The following ACCSL variants were observed in gnomAD, a reference collection of about 807,000 sequenced individuals.
ACCSL encodes 1-aminocyclopropane-1-carboxylate synthase homolog (inactive) like, also known as probable inactive 1-aminocyclopropane-1-carboxylate synthase-like protein 2.
ACCSL carries 55 observed loss-of-function variants against 61.7 expected under a neutral mutation model. The observed-to-expected ratio is 0.89, with a 90% confidence interval of 0.72 to 1.12. ACCSL has a LOEUF of 1.12. Among genes scored for constraint, ACCSL ranks in the 50% most tolerant of loss-of-function variants. ACCSL has a pLI of 0.00. For synonymous variants in ACCSL, 258 were observed against 264.3 expected (o/e 0.98, Z 0.23); for missense variants, 632 against 698.0 (o/e 0.91, Z 1.07).
At chr11:43,992,916 C>T in the ACCSL span, among the ~76,000 whole-genome samples, 1 of 152,198 alleles carries the variant, frequency 6.6e-6, no homozygotes, top group Non-Finnish European at 1.5e-5. Context: ...GAGCCTAGCT[C>T]TCTCCGTCGT....
chr11:44,001,685 G>A, the ACCSL span, among the ~76,000 whole-genome samples: 2,716 of 151,860 alleles, frequency 0.018, 74 homozygotes, highest in African/African-American at 0.062. Context: ...CTAAATGTGG[G>A]TGGACAGGAG....
At chr11:43,943,124 A>T in the ACCSL span, 1 of 1,502,128 alleles carries the variant, frequency 6.7e-7, no homozygotes. The surrounding 1 kb of genome is among the most constrained non-coding windows in gnomAD (Gnocchi z 4.8). Context: ...GGTGTCCCCC[A>T]TGGAGGAGGA....
In ACCSL at chr11:44,058,609, C is replaced by G; in HGVS notation, c.1534C>G (p.Leu512Val). The change falls in exon 13 of 14, where the codon CTA (leucine) becomes GTA (valine). Residue 512 changes from leucine to valine, a missense_variant. Physicochemically the swap from Leu to Val is conservative, Grantham distance 32. Coordinates refer to ENST00000378832, the MANE Select transcript of ACCSL (RefSeq NM_001031854.2). ...LLYCRFLDNK[L>V]LLSRGKTYMC... ...CTATTGCCGCTTCCTGGACAACAAG[C>G]TATTGTTATCCCGTGGCAAAACCTA... is the stretch of plus-strand genomic sequence containing the variant. 1 of 1,614,112 alleles carries G rather than the reference C, an allele frequency of 6.2e-7. No homozygotes were observed.
the ACCSL span, among the ~76,000 whole-genome samples, chr11:44,018,409 C>G: frequency 6.6e-6 from 1 of 152,240 alleles, no homozygotes; most frequent in Non-Finnish European, 1.5e-5. Flanking sequence ...CAGGCTTACC[C>G]TCCTGACCCA....
At chr11:43,982,342 C>A in the ACCSL span, among the ~76,000 whole-genome samples, 1 of 151,274 alleles carries the variant, frequency 6.6e-6, no homozygotes, top group African/African-American at 2.4e-5. Flanking sequence ...ATTCTCGTGC[C>A]TCAGCCTCTT....
the ACCSL span, among the ~76,000 whole-genome samples, chr11:43,968,409 G>T: frequency 6.6e-6 from 1 of 151,942 alleles, no homozygotes; most frequent in Non-Finnish European, 1.5e-5. Context: ...CACCTTCATG[G>T]CTTTTGTGTG....
chr11:43,952,567 G>A, the ACCSL span, among the ~76,000 whole-genome samples: 1 of 152,152 alleles, frequency 6.6e-6, no homozygotes, highest in African/African-American at 2.4e-5. Flanking sequence ...GTCCTGTTCT[G>A]TTCCATTCTG....
rs746526629 is a variant in ACCSL at position 44,056,660 on chromosome 11, C to T, written c.1327+334C>T. Among the ~76,000 whole-genome samples, 5 of 152,028 alleles carry T rather than the reference C, an allele frequency of 3.3e-5. 1 individual carries two copies. Among genetic ancestry groups the T allele is most frequent in the African/African-American group, 7.2e-5 (3 of 41,392 alleles). ...CCAGCCTGGCCAACAAGGTGAAACC[C>T]GGTCTCTACTAAAAATGCAAAATTA... On this transcript the variant is annotated intron_variant, in intron 11 of 13. Coordinates refer to ENST00000378832, the MANE Select transcript of ACCSL (RefSeq NM_001031854.2).
At chr11:44,053,905 T>G (rs1952655260) in intron 8 of ACCSL, among the ~76,000 whole-genome samples, 1 of 152,184 alleles carries the variant, frequency 6.6e-6, no homozygotes, top group Non-Finnish European at 1.5e-5. Flanking sequence ...CACCATACTT[T>G]GCAGAGTTAT....
At chr11:43,993,548 C>A in the ACCSL span, among the ~76,000 whole-genome samples, 1 of 152,174 alleles carries the variant, frequency 6.6e-6, no homozygotes, top group African/African-American at 2.4e-5. Context: ...GCAAAGTGCT[C>A]TTAGCTGCAG....
Position 44,048,076 on chromosome 11 carries a change from C to G in ACCSL, c.40C>G (p.Gln14Glu). The G allele has an allele frequency of 6.2e-7, 1 of 1,614,068 alleles. No individual in the cohort carries two copies. Among genetic ancestry groups the G allele is most frequent in the Non-Finnish European group, 8.5e-7 (1 of 1,179,964 alleles). The change falls in exon 1 of 14, where the codon CAG (glutamine) becomes GAG (glutamate). Residue 14 changes from glutamine to glutamate, a missense_variant. Physicochemically the swap from Gln to Glu is conservative, Grantham distance 29. Transcript: ENST00000378832. ...AGACACCCTTCCTGTGCCCTCTGGT[C>G]AGAGGAGAGGCCGGGTCCCCAGAGA... ...RSDTLPVPSGQRRGRVPRDHS... is the reference protein window; with the variant it reads ...RSDTLPVPSGERRGRVPRDHS...
intron 5 of ACCSL, among the ~76,000 whole-genome samples, chr11:44,052,261 G>A (rs546566808): frequency 1.3e-5 from 2 of 152,240 alleles, no homozygotes; most frequent in African/African-American, 4.8e-5. Context: ...AGAAAAGAAC[G>A]TGAGATCACC....
chr11:44,044,835 G>T (rs1254771684), upstream of ACCSL, among the ~76,000 whole-genome samples: 1 of 152,176 alleles, frequency 6.6e-6, no homozygotes. Flanking sequence ...TCAAAAGGCT[G>T]CTAGCATCTA....
rs1010746948 is a variant in ACCSL at position 44,058,336 on chromosome 11, C to G, written c.1347C>G (p.Tyr449Ter). ...LQNTEWIDKV[Y>*]LPTNCYRLRE... ...ATCCAGAATGGATTGACAAAGTATA[C>G]CTACCCACCAATTGCTACCGGCTCC... The change falls in exon 12 of 14, where the codon TAC becomes TAG. Residue 449 changes from tyrosine (Y) to a stop codon, truncating the protein, a stop_gained. Transcript: ENST00000378832. LOFTEE classifies it high-confidence loss of function. 1.2e-6 allele frequency: 2 copies of G among 1,614,164 alleles called. No homozygotes were observed. Among genetic ancestry groups the G allele is most frequent in the Non-Finnish European group, 1.7e-6 (2 of 1,180,044 alleles).
chr11:43,980,058 G>T, the ACCSL span, among the ~76,000 whole-genome samples: 1 of 152,086 alleles, frequency 6.6e-6, no homozygotes, highest in Admixed American at 6.5e-5. Context: ...ATAGAATCTT[G>T]CTGTTTATAG....
At chr11:44,045,122 A>T (rs533178229), upstream of ACCSL, among the ~76,000 whole-genome samples, 42 of 152,296 alleles carry the variant, frequency 2.8e-4, no homozygotes, top group South Asian at 8.1e-3. Context: ...GCCTTGCTGC[A>T]TACTCACTTT....
the ACCSL span, among the ~76,000 whole-genome samples, chr11:44,014,565 A>G: frequency 6.6e-6 from 1 of 151,652 alleles, no homozygotes; most frequent in Non-Finnish European, 1.5e-5. Flanking sequence ...CTCAGAAGGG[A>G]CATACCACCA....
the ACCSL span, among the ~76,000 whole-genome samples, chr11:43,923,427 T>C: frequency 3.9e-5 from 6 of 152,192 alleles, no homozygotes; most frequent in Non-Finnish European, 7.3e-5. Flanking sequence ...ATGCATTCTG[T>C]TTATTTAAAA....
intron 2 of ACCSL, 50 bp from the exon 3 acceptor site, chr11:44,050,502 C>T (rs375606886): frequency 2.0e-6 from 3 of 1,536,992 alleles, no homozygotes; most frequent in Non-Finnish European, 2.7e-6. Context: ...TAGAATGAGG[C>T]CTCTTGAACT....
Sources: gnomAD v4.1 joint callset for allele counts (sites outside exome capture counted in the v4.1 genomes callset) on GRCh38, gnomAD v4.1.1 for gene constraint, Gnocchi (gnomAD v3.1) non-coding constraint, MANE v1.5 for transcripts, NCBI Gene and HGNC (gene_info 2026-07-23, HGNC 2026-07-21) for gene names.